PMM2: variants seen among roughly 807,000 people sequenced by gnomAD.
The protein encoded by PMM2 is mannose-6-phosphate isomerase.
Under a neutral mutation model 33.2 loss-of-function variants are expected in PMM2, and 35 were observed. The ratio of observed to expected loss-of-function variants is 1.06; its 90% CI spans 0.81 to 1.40. The LOEUF (loss-of-function observed/expected upper bound fraction) is 1.40. Among genes scored for constraint, PMM2 ranks in the 40% most tolerant of loss-of-function variants. PMM2 has a pLI of 0.00. For synonymous variants in PMM2, 153 were observed against 114.7 expected (o/e 1.33, Z -2.13); for missense variants, 386 against 306.0 (o/e 1.26, Z -1.95).
intron 7 of PMM2, among the ~76,000 whole-genome samples, chr16:8,815,901 A>G (rs1029388577): frequency 6.6e-6 from 1 of 152,156 alleles, no homozygotes; most frequent in African/African-American, 2.4e-5. Flanking sequence ...TGCAAACCAT[A>G]TATCTGATAA....
chr16:8,840,639 A>AG (rs925516904), intron 7 of PMM2, among the ~76,000 whole-genome samples: 1 of 152,038 alleles, frequency 6.6e-6, no homozygotes, highest in Non-Finnish European at 1.5e-5. Context: ...TAAGGGAAGT[A>AG]GGGGAGAGTA....
chr16:8,820,443 T>C (rs113515890), intron 7 of PMM2, among the ~76,000 whole-genome samples: 2 of 151,342 alleles, frequency 1.3e-5, no homozygotes, highest in African/African-American at 4.9e-5. Context: ...AATCTTGAAC[T>C]CCTGGGCTCA....
intron 7 of PMM2, among the ~76,000 whole-genome samples, chr16:8,839,175 G>C (rs567302662): frequency 6.6e-6 from 1 of 152,052 alleles, no homozygotes; most frequent in Non-Finnish European, 1.5e-5. Flanking sequence ...TCGGTGTCAT[G>C]AGGGGAACAG....
chr16:8,820,450 C>A (rs1488911399), intron 7 of PMM2, among the ~76,000 whole-genome samples: 2 of 150,914 alleles, frequency 1.3e-5, no homozygotes, highest in African/African-American at 4.9e-5. Flanking sequence ...AACTCCTGGG[C>A]TCAAGTGATC....
At chr16:8,831,452 G>T (rs1488916267) in intron 7 of PMM2, among the ~76,000 whole-genome samples, 1 of 152,280 alleles carries the variant, frequency 6.6e-6, no homozygotes, top group East Asian at 1.9e-4. Context: ...TGGGAGGATC[G>T]CTTGAGCCCA....
intron 7 of PMM2, among the ~76,000 whole-genome samples, chr16:8,821,815 T>C (rs1256007853): frequency 1.3e-5 from 2 of 152,218 alleles, no homozygotes; most frequent in Admixed American, 1.3e-4. Context: ...CTGATCACTT[T>C]CAAAACATCA....
chr16:8,834,174 G>T (rs1467857920), intron 7 of PMM2, among the ~76,000 whole-genome samples: 1 of 152,224 alleles, frequency 6.6e-6, no homozygotes, highest in African/African-American at 2.4e-5. Context: ...AGAAGGGAAA[G>T]TGGTAAAAGT....
intron 7 of PMM2, among the ~76,000 whole-genome samples, chr16:8,837,735 A>T (rs961612273): frequency 6.6e-6 from 1 of 152,058 alleles, no homozygotes; most frequent in African/African-American, 2.4e-5. Flanking sequence ...CCTCTCCGCC[A>T]GAAAAGTGGG....
chr16:8,806,843 A>T (rs2060650993), intron 4 of PMM2: 1 of 197,990 alleles, frequency 5.1e-6, no homozygotes, highest in Non-Finnish European at 1.0e-5. Context: ...CAGCATGTAC[A>T]AAAAGCAACA....
intron 7 of PMM2, among the ~76,000 whole-genome samples, chr16:8,838,622 T>C (rs1039891815): frequency 4.6e-5 from 7 of 151,904 alleles, no homozygotes; most frequent in South Asian, 2.1e-4. Flanking sequence ...AAACATTTGT[T>C]GTATAGAATG....
chr16:8,841,747 T>G (rs2060892197), intron 7 of PMM2, among the ~76,000 whole-genome samples: 1 of 113,742 alleles, frequency 8.8e-6, no homozygotes, highest in Admixed American at 8.7e-5. Context: ...GAATGTCAGG[T>G]GGATCAGAGA....
At chr16:8,804,085 C>G (rs1281602139) in intron 2 of PMM2, among the ~76,000 whole-genome samples, 1 of 133,030 alleles carries the variant, frequency 7.5e-6, no homozygotes, top group Admixed American at 8.4e-5. Flanking sequence ...GTTGCCGAGG[C>G]TGGAGTGCAG....
At chr16:8,803,328 C>G (rs188738080) in intron 2 of PMM2, among the ~76,000 whole-genome samples, 3 of 152,168 alleles carry the variant, frequency 2.0e-5, no homozygotes, top group Non-Finnish European at 2.9e-5. Flanking sequence ...CTGGGGATCA[C>G]GAAGCCCTGA....
At chr16:8,801,677 A>C in intron 1 of PMM2, 122 bp from the exon 2 acceptor site, 1 of 635,376 alleles carries the variant, frequency 1.6e-6, no homozygotes, top group South Asian at 1.7e-5. Context: ...TCTCAAAAAA[A>C]AATTTTTTCT....
Position 8,820,345 on chromosome 16 carries a change from GTTC to G in PMM2, c.639+7245_639+7247del, listed in dbSNP as rs1347892512. 9.6e-3 allele frequency among the ~76,000 whole-genome samples: 1,271 copies of G among 132,710 alleles called. 38 individuals carry two copies. The highest frequency in any genetic ancestry group is 0.037 in the African/African-American group (1,189 of 31,740). The allele number at this position is 132,710 out of a possible 152,430, so 87.1% of individuals were successfully genotyped here. ...ACCTCGTCAGCCCAGTGAGGACACA[GTTC>G]TTCTTTTTTTTTTTTTTTTTCCTGA... On this transcript the variant is annotated intron_variant, in intron 7 of 7. Coordinates refer to ENST00000268261, the MANE Select transcript of PMM2 (RefSeq NM_000303.3).
intron 7 of PMM2, among the ~76,000 whole-genome samples, chr16:8,826,718 A>G (rs757967449): frequency 6.6e-6 from 1 of 152,238 alleles, no homozygotes; most frequent in Admixed American, 6.5e-5. Context: ...GCTCTTAAAC[A>G]TCACACACAC....
At chr16:8,821,740 C>T (rs749374463) in intron 7 of PMM2, among the ~76,000 whole-genome samples, 1 of 152,256 alleles carries the variant, frequency 6.6e-6, no homozygotes, top group Non-Finnish European at 1.5e-5. Context: ...GCCCCCAAGC[C>T]AAGGGGTGTT....
rs376608995 is a variant in PMM2, at chr16:8,806,738, C to G, written c.347+331C>G. On this transcript the variant is annotated intron_variant, in intron 4 of 7. Transcript: ENST00000268261. ...AAAGCCAACAGTACAAGAATGATTA[C>G]GTAAATGATGGCTTATCCACATGAT... The G allele has an allele frequency of 8.6e-6, 3 of 348,630 alleles. No homozygotes were observed. In the South Asian group the frequency reaches 9.0e-5, roughly 10 times the overall value. The allele number at this position is 348,630 out of a possible 1,614,324, so 21.6% of individuals were successfully genotyped here.
intron 7 of PMM2, among the ~76,000 whole-genome samples, chr16:8,842,669 T>C (rs1012258816): frequency 1.8e-4 from 28 of 152,112 alleles, no homozygotes; most frequent in African/African-American, 5.1e-4. Flanking sequence ...CAAAACAATT[T>C]GGTTGATAAG....
Sources: allele counts gnomAD v4.1 joint callset (sites outside exome capture counted in the v4.1 genomes callset), GRCh38; gene constraint gnomAD v4.1.1; transcripts MANE v1.5; gene names NCBI Gene and HGNC (gene_info 2026-07-23, HGNC 2026-07-21).